Variants in SOX5 observed in about 807,000 individuals in gnomAD.
SOX5 encodes the protein SRY-box transcription factor 5, also known as transcription factor SOX-5.
Under a neutral mutation model 92.0 loss-of-function variants are expected in SOX5, and 9 were observed. The ratio of observed to expected loss-of-function variants is 0.10; its 90% CI spans 0.06 to 0.17. The LOEUF (loss-of-function observed/expected upper bound fraction) is 0.17, where lower values mean the gene tolerates loss of function less well. Ranked by LOEUF, SOX5 falls within the 10% of genes least tolerant of loss-of-function variation. The pLI is 1.00. For synonymous variants in SOX5, 344 were observed against 336.3 expected (o/e 1.02, Z -0.25); for missense variants, 642 against 944.5 (o/e 0.68, Z 4.20).
At chr12:23,855,795 GAA>G (rs1023839316) in intron 2 of SOX5, among the ~76,000 whole-genome samples, 3 of 152,154 alleles carry the variant, frequency 2.0e-5, no homozygotes, top group African/African-American at 7.2e-5. Flanking sequence ...AATTATAAAA[GAA>G]AAAGTCTGTA....
intron 4 of SOX5, among the ~76,000 whole-genome samples, chr12:24,175,101 C>G (rs1954660862): frequency 6.6e-6 from 1 of 152,210 alleles, no homozygotes; most frequent in Non-Finnish European, 1.5e-5. Context: ...ATATTTTCAA[C>G]ATTTGTTAGT....
intron 2 of SOX5, among the ~76,000 whole-genome samples, chr12:24,319,300 C>T (rs1169599397): frequency 2.6e-5 from 4 of 152,194 alleles, no homozygotes; most frequent in Non-Finnish European, 5.9e-5. Flanking sequence ...CCCTGTTTAT[C>T]CATACATCTG....
At chr12:23,715,444 T>C (rs2092418585) in intron 6 of SOX5, among the ~76,000 whole-genome samples, 1 of 152,192 alleles carries the variant, frequency 6.6e-6, no homozygotes, top group Admixed American at 6.5e-5. Flanking sequence ...ATAGAGAAAC[T>C]TAATGTTTAA....
rs913437913 is a variant in SOX5, at chr12:24,014,432, C to T, written c.-1-118408G>A. On this transcript the variant is annotated intron_variant, in intron 4 of 4. Coordinates refer to the SOX5 transcript ENST00000446891. ...TGAGCCTTTTAGCCTCTTTCAGTTCCTGCTCCATCCTCAGCCCTTTCTCTG... is the reference window on the plus strand; with the variant it reads ...TGAGCCTTTTAGCCTCTTTCAGTTCTTGCTCCATCCTCAGCCCTTTCTCTG... Among the ~76,000 whole-genome samples the T allele has an allele frequency of 5.9e-5, 9 of 152,272 alleles. 1 individual carries two copies. The East Asian group carries it at 1.7e-3, about 29-fold the overall frequency.
chr12:23,769,830 G>A (rs75737802), intron 3 of SOX5, among the ~76,000 whole-genome samples: 2,919 of 152,118 alleles, frequency 0.019, 85 homozygotes, highest in African/African-American at 0.067. Flanking sequence ...ATTATGCCAT[G>A]ATACTCACTA....
chr12:24,134,827 G>A (rs1565504491), intron 4 of SOX5, among the ~76,000 whole-genome samples: 1 of 152,088 alleles, frequency 6.6e-6, no homozygotes, highest in Non-Finnish European at 1.5e-5. Flanking sequence ...AACATAAGGA[G>A]AACAGTATTC....
At chr12:23,985,125 A>G (rs917972318) in intron 4 of SOX5, among the ~76,000 whole-genome samples, 2 of 152,220 alleles carry the variant, frequency 1.3e-5, no homozygotes, top group African/African-American at 4.8e-5. Context: ...CCTCAAGTGC[A>G]TCATTTTTTT....
chr12:23,585,341 C>T (rs1185428345), intron 9 of SOX5, among the ~76,000 whole-genome samples: 1 of 152,150 alleles, frequency 6.6e-6, no homozygotes, highest in African/African-American at 2.4e-5. Context: ...CTGCTTTCTA[C>T]TCAGAGATGT....
At chr12:24,024,940 A>G (rs1325969600) in intron 4 of SOX5, among the ~76,000 whole-genome samples, 2 of 152,176 alleles carry the variant, frequency 1.3e-5, no homozygotes, top group East Asian at 3.9e-4. Flanking sequence ...TCTGAACAAG[A>G]TAACCTATAT....
At chr12:23,853,877 C>T (rs565801436) in intron 2 of SOX5, among the ~76,000 whole-genome samples, 2 of 152,098 alleles carry the variant, frequency 1.3e-5, no homozygotes, top group South Asian at 4.1e-4. Context: ...GAGCAAAGAC[C>T]AACCATAAGA....
rs79951823 is a variant in SOX5 at position 23,627,337 on chromosome 12, C to T, written c.1017+13475G>A. Among the ~76,000 whole-genome samples the T allele has an allele frequency of 3.6e-3, 552 of 152,214 alleles. 1 individual carries two copies. The highest frequency in any genetic ancestry group is 0.013 in the African/African-American group (533 of 41,542). On this transcript the variant is annotated intron_variant, in intron 8 of 14. Transcript: ENST00000451604. ...AAGGGATATTTTGTTTTCATAAAGA[C>T]GTTCTGCTTGCATTAAATATGAGGA...
At chr12:24,339,395 T>A (rs1840811209) in intron 2 of SOX5, among the ~76,000 whole-genome samples, 1 of 151,882 alleles carries the variant, frequency 6.6e-6, no homozygotes, top group African/African-American at 2.4e-5. Context: ...GGGTACAACA[T>A]GTGTGTGCAA....
chr12:23,811,806 T>C (rs561164029), intron 3 of SOX5, among the ~76,000 whole-genome samples: 1 of 152,224 alleles, frequency 6.6e-6, no homozygotes, highest in African/African-American at 2.4e-5. Context: ...TCCTATTTCA[T>C]AAAAATAAGT....
intron 8 of SOX5, among the ~76,000 whole-genome samples, chr12:23,617,545 T>C (rs1051017642): frequency 5.3e-5 from 8 of 152,184 alleles, no homozygotes; most frequent in Admixed American, 1.3e-4. Context: ...GATACTTGGA[T>C]AGAATATGAA....
At chr12:23,776,092 C>T (rs10771027) in intron 3 of SOX5, among the ~76,000 whole-genome samples, 89,162 of 151,952 alleles carry the variant, frequency 0.59, 26,218 homozygotes, top group East Asian at 0.79. Flanking sequence ...TAAATATAAT[C>T]GTACTCAGAG....
At chr12:24,556,096 G>A (rs1032495426) in intron 1 of SOX5, among the ~76,000 whole-genome samples, 22 of 152,080 alleles carry the variant, frequency 1.4e-4, no homozygotes, top group African/African-American at 5.1e-4. Flanking sequence ...CTACTCAATC[G>A]TCTTCCCTTG....
intron 2 of SOX5, among the ~76,000 whole-genome samples, chr12:24,288,797 C>T (rs1421709884): frequency 6.6e-6 from 1 of 151,740 alleles, no homozygotes; most frequent in African/African-American, 2.4e-5. Flanking sequence ...GGCCCCTCCC[C>T]ACCACCTGCA....
intron 7 of SOX5, among the ~76,000 whole-genome samples, chr12:23,648,151 A>G (rs562295645): frequency 6.6e-6 from 1 of 152,308 alleles, no homozygotes; most frequent in East Asian, 1.9e-4. Context: ...CATAACATAT[A>G]ATAATAATCA....
chr12:23,970,779 C>A (rs1948132463), intron 4 of SOX5, among the ~76,000 whole-genome samples: 1 of 121,418 alleles, frequency 8.2e-6, no homozygotes, highest in Non-Finnish European at 1.7e-5. Context: ...GTTTGCAATT[C>A]TTTTGGGTAT....
Sources: allele counts gnomAD v4.1 joint callset (sites outside exome capture counted in the v4.1 genomes callset), GRCh38; gene constraint gnomAD v4.1.1; transcripts MANE v1.5; gene names NCBI Gene and HGNC (gene_info 2026-07-23, HGNC 2026-07-21).